Variants in PRKN observed in about 807,000 individuals in gnomAD.
PRKN encodes E3 ubiquitin-protein ligase parkin.
Under a neutral mutation model 59.5 loss-of-function variants are expected in PRKN, and 56 were observed. The observed-to-expected ratio is 0.94, with a 90% CI of 0.76 to 1.18. The LOEUF is 1.18. Ranked by LOEUF, PRKN falls within the 50% of genes most tolerant of loss-of-function variation. The pLI is 0.00. For missense variants in PRKN, 657 were observed against 596.4 expected (o/e 1.10, Z -1.06); for synonymous variants, 250 against 222.1 (o/e 1.13, Z -1.12).
intron 2 of PRKN, among the ~76,000 whole-genome samples, chr6:162,381,155 A>C (rs540836334): frequency 2.0e-5 from 3 of 152,170 alleles, no homozygotes; most frequent in Admixed American, 6.5e-5. Context: ...CATTCCACTC[A>C]GCTCAAAAGA....
At chr6:161,625,790 C>T (rs900054477) in intron 7 of PRKN, among the ~76,000 whole-genome samples, 1 of 152,064 alleles carries the variant, frequency 6.6e-6, no homozygotes, top group Non-Finnish European at 1.5e-5. Context: ...AATGCCAGAA[C>T]ATTTCTGCTC....
At chr6:161,984,638 G>A (rs1020471060) in intron 5 of PRKN, among the ~76,000 whole-genome samples, 1 of 152,088 alleles carries the variant, frequency 6.6e-6, no homozygotes, top group African/African-American at 2.4e-5. Flanking sequence ...GCAAAACAAG[G>A]ATTTTCCTTT....
At chr6:162,385,503 A>G (rs1396070231) in intron 2 of PRKN, among the ~76,000 whole-genome samples, 1 of 152,142 alleles carries the variant, frequency 6.6e-6, no homozygotes, top group Non-Finnish European at 1.5e-5. Context: ...TATGTGCACT[A>G]TCCTGAGGAG....
intron 1 of PRKN, among the ~76,000 whole-genome samples, chr6:162,586,755 T>C (rs1408579862): frequency 8.1e-6 from 1 of 122,838 alleles, no homozygotes; most frequent in East Asian, 2.0e-4. Context: ...TAAACATGTG[T>C]TTGAAGGACA....
chr6:162,063,698 C>A (rs911112830), intron 4 of PRKN, among the ~76,000 whole-genome samples: 1 of 152,058 alleles, frequency 6.6e-6, no homozygotes, highest in African/African-American at 2.4e-5. Flanking sequence ...GCATTTGCCA[C>A]CACACCCGGC....
intron 6 of PRKN, among the ~76,000 whole-genome samples, chr6:161,926,924 C>T (rs998136139): frequency 2.0e-5 from 3 of 152,006 alleles, no homozygotes; most frequent in African/African-American, 7.2e-5. Flanking sequence ...AGAGAAAATC[C>T]CTCTAAATTT....
rs1402027012 is a variant in PRKN, at chr6:161,551,846, A to G, written c.934-2843T>C. Among the ~76,000 whole-genome samples, 1 of 152,160 alleles carries G rather than the reference A, an allele frequency of 6.6e-6. No homozygotes were observed. Among genetic ancestry groups the G allele is most frequent in the Non-Finnish European group, 1.5e-5 (1 of 68,038 alleles). ...GGACTGAGACGAGAAGCGCAGATGG[A>G]CAGTTTAAGCCAGAGAAAGAGCTCT... On this transcript the variant is annotated intron_variant, in intron 8 of 11. Transcript: ENST00000366898. The surrounding 1 kb of genome is among the most constrained non-coding windows in gnomAD (Gnocchi z 5.2).
At chr6:161,759,948 T>C (rs1393739990) in intron 7 of PRKN, among the ~76,000 whole-genome samples, 2 of 152,124 alleles carry the variant, frequency 1.3e-5, no homozygotes, top group African/African-American at 4.8e-5. Flanking sequence ...AGGATGTTTA[T>C]ACTTTCAGTG....
At chr6:162,296,984 A>G (rs1781703441) in intron 2 of PRKN, among the ~76,000 whole-genome samples, 2 of 152,030 alleles carry the variant, frequency 1.3e-5, no homozygotes, top group South Asian at 4.1e-4. Context: ...GTGTCCAATC[A>G]TACTTCTACA....
chr6:162,499,467 A>G (rs902443022), intron 1 of PRKN, among the ~76,000 whole-genome samples: 5 of 152,152 alleles, frequency 3.3e-5, no homozygotes, highest in African/African-American at 4.8e-5. Context: ...TCTTATCTGC[A>G]TGCCCAGTGC....
At chr6:161,646,225 G>C (rs112054066) in intron 7 of PRKN, among the ~76,000 whole-genome samples, 2 of 47,758 alleles carry the variant, frequency 4.2e-5, no homozygotes, top group East Asian at 1.0e-3. Flanking sequence ...TGACAGTGGT[G>C]ACTGCGTGTG....
intron 1 of PRKN, among the ~76,000 whole-genome samples, chr6:162,606,776 G>A (rs1781937199): frequency 6.6e-6 from 1 of 152,158 alleles, no homozygotes; most frequent in Admixed American, 6.5e-5. Flanking sequence ...GGGTGCAGTG[G>A]TGCAACCTTG....
At chr6:162,106,973 T>C (rs1780215723) in intron 4 of PRKN, among the ~76,000 whole-genome samples, 2 of 152,218 alleles carry the variant, frequency 1.3e-5, no homozygotes, top group African/African-American at 4.8e-5. Context: ...TCAGGTTACC[T>C]GTGCATTTGC....
chr6:161,946,002 C>T (rs1453108438), intron 6 of PRKN, among the ~76,000 whole-genome samples: 1 of 151,944 alleles, frequency 6.6e-6, no homozygotes, highest in Admixed American at 6.6e-5. Flanking sequence ...GGGTAAACAC[C>T]TAGTTTTTGG....
In PRKN at chr6:162,084,928, A is replaced by C. The variant is rs528069999; in HGVS notation, c.535-30754T>G. On this transcript the variant is annotated intron_variant, in intron 4 of 11. Transcript: ENST00000366898. ...CCTGGAATTACAATCAGTAACCTGA[A>C]CTTCATTTAGTGTGAAGGCAGAGTC... is the stretch of plus-strand genomic sequence containing the variant. Among the ~76,000 whole-genome samples, 95 of 151,990 alleles carry C rather than the reference A, an allele frequency of 6.3e-4. 2 individuals carry two copies. The highest frequency in any genetic ancestry group is 2.2e-3 in the African/African-American group (92 of 41,370).
chr6:161,591,247 T>A (rs1297286615), intron 7 of PRKN, among the ~76,000 whole-genome samples: 2 of 152,206 alleles, frequency 1.3e-5, no homozygotes, highest in Non-Finnish European at 1.5e-5. Context: ...TTCTTTCTCT[T>A]GCACCTTTTC....
intron 5 of PRKN, among the ~76,000 whole-genome samples, chr6:162,025,158 G>T (rs1391881835): frequency 6.6e-6 from 1 of 151,690 alleles, no homozygotes; most frequent in African/African-American, 2.4e-5. Context: ...TGGGACTACA[G>T]GCACCTGCCA....
intron 6 of PRKN, among the ~76,000 whole-genome samples, chr6:161,853,586 C>T (rs971429313): frequency 2.6e-5 from 4 of 152,208 alleles, no homozygotes. Flanking sequence ...CATGACTCTA[C>T]TTAACAGAGC....
intron 1 of PRKN, among the ~76,000 whole-genome samples, chr6:162,497,191 A>G (rs1793105571): frequency 6.6e-6 from 1 of 152,164 alleles, no homozygotes; most frequent in Admixed American, 6.6e-5. Context: ...TTTGTGCCCC[A>G]TGTAATTTGA....
Sources: gnomAD v4.1 joint callset for allele counts (sites outside exome capture counted in the v4.1 genomes callset) on GRCh38, gnomAD v4.1.1 for gene constraint, Gnocchi (gnomAD v3.1) non-coding constraint, MANE v1.5 for transcripts, NCBI Gene and HGNC (gene_info 2026-07-23, HGNC 2026-07-21) for gene names.